UTP14C: variants seen among roughly 807,000 people sequenced by gnomAD.
The protein encoded by UTP14C is UTP14C small subunit processome component.
Under a neutral mutation model 14.6 loss-of-function variants are expected in UTP14C, and 10 were observed. The observed-to-expected ratio is 0.68, with a 90% CI of 0.42 to 1.16. The LOEUF is 1.16. Ranked by LOEUF, UTP14C falls within the 50% of genes most tolerant of loss-of-function variation. The pLI is 0.00. For synonymous variants in UTP14C, 315 were observed against 331.6 expected, an observed-to-expected ratio of 0.95 and a Z score of 0.54; for missense variants, 818 against 890.8, an observed-to-expected ratio of 0.92 and a Z score of 1.04.
chr13:52,029,699 CA>C lies in UTP14C; in HGVS notation c.899del (p.Asn300ThrfsTer33). ...RMMERMSLKH[Q>X]NSGKWAKSKA... ...GATGGAAAGAATGAGCCTTAAGCAC[CA>C]AAACAGTGGGAAATGGGCCAAGTCA... On this transcript the variant is annotated frameshift_variant, in exon 2 of 2. Transcript: ENST00000521776. LOFTEE classifies it low-confidence loss of function (END_TRUNC). 2.5e-6 allele frequency: 4 copies of C among 1,614,036 alleles called. No individual in the cohort carries two copies. Among genetic ancestry groups the C allele is most frequent in the Non-Finnish European group, 3.4e-6 (4 of 1,180,026 alleles).
intron 1 of UTP14C, among the ~76,000 whole-genome samples, chr13:52,027,741 G>C (rs143174275): frequency 2.0e-5 from 3 of 152,168 alleles, no homozygotes; most frequent in African/African-American, 7.2e-5. Context: ...ACATAAGCAC[G>C]GCGATAGTAT....
At position 52,030,930 on chromosome 13, in the gene UTP14C, A is replaced by G; in HGVS notation, c.2126A>G (p.Gln709Arg). The G allele has an allele frequency of 6.2e-7, 1 of 1,614,236 alleles. No homozygotes were observed. Among genetic ancestry groups the G allele is most frequent in the Non-Finnish European group, 8.5e-7 (1 of 1,180,030 alleles). The change falls in exon 2 of 2, where the codon CAG becomes CGG. Residue 709 changes from glutamine to arginine, a missense_variant. Transcript: ENST00000521776. Reference sequence around the variant, plus strand: ...CCTATAGGATCCACATGGAACACCCAGAGGGCTTTCCAAAAGCTGACTACT... The same window carrying G: ...CCTATAGGATCCACATGGAACACCCGGAGGGCTTTCCAAAAGCTGACTACT... The part of the protein sequence containing the change: ...QTPIGSTWNT[Q>R]RAFQKLTTPK...
In UTP14C at chr13:52,030,429, A is replaced by T; in HGVS notation, c.1625A>T (p.Asn542Ile). ...EGQQSERTPNNRPDAPKEKKE... is the reference protein window; with the variant it reads ...EGQQSERTPNIRPDAPKEKKE... ...CAGCAGTCAGAGAGGACCCCAAATA[A>T]TCGGCCTGATGCCCCTAAGGAGAAG... The change falls in exon 2 of 2, where the codon AAT (asparagine) becomes ATT (isoleucine). Residue 542 changes from asparagine to isoleucine, a missense_variant. Asn to Ile is a moderately radical substitution (Grantham distance 149, BLOSUM62 -3). Transcript: ENST00000521776. 1 of 1,614,192 alleles carries T rather than the reference A, an allele frequency of 6.2e-7. No individual in the cohort carries two copies. Among genetic ancestry groups the T allele is most frequent in the Non-Finnish European group, 8.5e-7 (1 of 1,180,036 alleles).
Position 52,030,296 on chromosome 13 carries a change from C to CT in UTP14C, c.1493dup (p.Leu499IlefsTer26). On this transcript the variant is annotated frameshift_variant, in exon 2 of 2. Transcript: ENST00000521776. LOFTEE classifies it low-confidence loss of function (END_TRUNC). ...ACCTGCCCCAGAAGAAGCGGAACCC[C>CT]TATTGCTACAGAGGTCAGAGAGAGT... 1 of 1,614,198 alleles carries CT rather than the reference C, an allele frequency of 6.2e-7. No individual in the cohort carries two copies. The highest frequency in any genetic ancestry group is 8.5e-7 in the Non-Finnish European group (1 of 1,180,038).
rs746491739 is a variant in UTP14C at position 52,030,691 on chromosome 13, C to T, written c.1887C>T (p.Gly629=). ...AGGACGTGGACCTGACACTACCTGG[C>T]TGGGGCGAGTGGGGTGGTGTGGGCC... ...KPKDVDLTLP[G]WGEWGGVGLK... The change falls in exon 2 of 2, where the codon GGC becomes GGT. Residue 629 remains glycine, a synonymous_variant. Coordinates refer to ENST00000521776, the MANE Select transcript of UTP14C (RefSeq NM_021645.6). The T allele has an allele frequency of 5.0e-6, 8 of 1,614,204 alleles. No individual in the cohort carries two copies. The East Asian group carries it at 1.8e-4, about 36-fold the overall frequency.
Position 52,028,715 on chromosome 13 carries a change from T to C in UTP14C, c.-90T>C. 6.3e-7 allele frequency: 1 copy of C among 1,589,218 alleles called. No individual in the cohort carries two copies. The highest frequency in any genetic ancestry group is 1.3e-5 in the African/African-American group (1 of 74,344). On this transcript the variant is annotated 5_prime_UTR_variant, in exon 2 of 2. Transcript: ENST00000521776. Reference sequence around the variant, plus strand: ...ACTTTAGAAAACAGACAAAATTTCCTTTTAGAATAAAAGGAAGTGTTGAAA... The same window carrying C: ...ACTTTAGAAAACAGACAAAATTTCCCTTTAGAATAAAAGGAAGTGTTGAAA...
intron 1 of UTP14C, among the ~76,000 whole-genome samples, chr13:52,026,665 A>T (rs1954244101): frequency 6.6e-6 from 1 of 152,124 alleles, no homozygotes; most frequent in African/African-American, 2.4e-5. Context: ...CAGCTGTGAG[A>T]ATGGTGTTGG....
At chr13:52,026,097 C>T (rs116073347) in intron 1 of UTP14C, among the ~76,000 whole-genome samples, 1,868 of 152,328 alleles carry the variant, frequency 0.012, 38 homozygotes, top group African/African-American at 0.043. Flanking sequence ...CGTGCTGTGC[C>T]GTGTGCCAGG....
rs1455400228 is a variant in UTP14C at position 52,029,651 on chromosome 13, G to GA, written c.853dup (p.Ile285AsnfsTer2). On this transcript the variant is annotated frameshift_variant, in exon 2 of 2. Transcript: ENST00000521776. LOFTEE classifies it low-confidence loss of function (END_TRUNC). ...TCCAACTGTGGCACTGGAAGAAATG[G>GA]AAAAAATTGAAAATGCCAGAATGAT... 1.2e-6 allele frequency: 2 copies of GA among 1,614,156 alleles called. No homozygotes were observed. The highest frequency in any genetic ancestry group is 1.7e-6 in the Non-Finnish European group (2 of 1,180,020).
chr13:52,030,342 A>G lies in UTP14C; in HGVS notation c.1538A>G (p.Glu513Gly), dbSNP rs138251658. ...AGAGTACAAACTCTGGAAGAGCTAG[A>G]AGAGCTGGGAAAAGAAGATTGTTTT... ...SERVQTLEEL[E>G]ELGKEDCFQN... is the part of the protein sequence containing the mutation. The change falls in exon 2 of 2, where the codon GAA (glutamate) becomes GGA (glycine). Residue 513 changes from glutamate to glycine, a missense_variant. Physicochemically the swap from Glu to Gly is moderately conservative, Grantham distance 98. Coordinates refer to ENST00000521776, the MANE Select transcript of UTP14C (RefSeq NM_021645.6). 1.2e-6 allele frequency: 2 copies of G among 1,614,088 alleles called. No individual in the cohort carries two copies. The highest frequency in any genetic ancestry group is 2.7e-5 in the African/African-American group (2 of 74,926).
Position 52,031,286 on chromosome 13 carries a change from A to G in UTP14C, c.*181A>G, listed in dbSNP as rs1246059456. ...ACTAGCATTTTAGAATTGATCAGAC[A>G]TTAGAACACAGAAAAATTCTAGTAC... On this transcript the variant is annotated 3_prime_UTR_variant, in exon 2 of 2. Transcript: ENST00000521776. The G allele has an allele frequency of 3.3e-6, 3 of 914,840 alleles. No homozygotes were observed. Among genetic ancestry groups the G allele is most frequent in the South Asian group, 2.2e-5 (1 of 45,796 alleles). 56.7% of individuals were successfully genotyped at this position (914,840 alleles called of 1,614,324 possible). A position where few individuals can be genotyped will look rare whatever the true frequency, so the allele number is the denominator to read the frequency against.
At chr13:52,028,065 C>G (rs1304604464) in intron 1 of UTP14C, among the ~76,000 whole-genome samples, 1 of 151,618 alleles carries the variant, frequency 6.6e-6, no homozygotes, top group African/African-American at 2.4e-5. Flanking sequence ...TAGAGGCCAG[C>G]CTGGGCAACA....
In UTP14C at chr13:52,033,082, T is replaced by C. The variant is rs755744048; in HGVS notation, c.*1977T>C. ...AAATTATTTTCATATATCACAGATA[T>C]ATCATTGGAAGATATAATTTGCATA... On this transcript the variant is annotated 3_prime_UTR_variant, in exon 2 of 2. Coordinates refer to ENST00000521776, the MANE Select transcript of UTP14C (RefSeq NM_021645.6). The C allele has an allele frequency of 2.0e-4, 34 of 167,260 alleles. No homozygotes were observed. Among genetic ancestry groups the C allele is most frequent in the African/African-American group, 4.8e-4 (20 of 41,596 alleles). The allele number at this position is 167,260 out of a possible 1,614,324, so 10.4% of individuals were successfully genotyped here.
chr13:52,031,159 C>T lies in UTP14C; in HGVS notation c.*54C>T. 1 of 1,558,996 alleles carries T rather than the reference C, an allele frequency of 6.4e-7. No individual in the cohort carries two copies. Among genetic ancestry groups the T allele is most frequent in the Non-Finnish European group, 8.7e-7 (1 of 1,153,644 alleles). ...GGGCCCTGATTCCACTTCCTTTGGT[C>T]CAGTTTTACTCTGCTACAGGGTGGA... On this transcript the variant is annotated 3_prime_UTR_variant, in exon 2 of 2. Coordinates refer to ENST00000521776, the MANE Select transcript of UTP14C (RefSeq NM_021645.6).
At chr13:52,026,416 C>G (rs1954241080) in intron 1 of UTP14C, among the ~76,000 whole-genome samples, 1 of 152,166 alleles carries the variant, frequency 6.6e-6, no homozygotes, top group South Asian at 2.1e-4. Flanking sequence ...TCTGATTTCT[C>G]CAGTCCATTC....
chr13:52,030,262 G>T lies in UTP14C; in HGVS notation c.1458G>T (p.Gln486His), dbSNP rs1158540969. 2.5e-6 allele frequency: 4 copies of T among 1,614,236 alleles called. No homozygotes were observed. The Admixed American group carries it at 6.7e-5, about 27-fold the overall frequency. ...CAGAGGGGACTGTTCCCCAGGTCCA[G>T]AGAGAGGAACCTGCCCCAGAAGAAG... is the stretch of plus-strand genomic sequence containing the variant. ...ASSEGTVPQV[Q>H]REEPAPEEAE... The change falls in exon 2 of 2, where the codon CAG becomes CAT. Residue 486 changes from glutamine to histidine, a missense_variant. Transcript: ENST00000521776.
rs781704785 is a variant in UTP14C at position 52,029,429 on chromosome 13, G to A, written c.625G>A (p.Ala209Thr). Residue 209 changes from alanine to threonine, a missense_variant, in exon 2 of 2, where the codon GCC becomes ACC. By Grantham distance (58) the Ala-to-Thr change is moderately conservative. Coordinates refer to ENST00000521776, the MANE Select transcript of UTP14C (RefSeq NM_021645.6). ...TDPLLTPMEK[A>T]SLQAMSLEEA... The stretch of plus-strand genomic sequence containing the variant: ...TCCTTTACTGACTCCCATGGAAAAG[G>A]CCTCTCTCCAAGCCATGAGCCTGGA... The A allele has an allele frequency of 6.2e-7, 1 of 1,614,136 alleles. No homozygotes were observed. Among genetic ancestry groups the A allele is most frequent in the Non-Finnish European group, 8.5e-7 (1 of 1,180,026 alleles).
At chr13:52,026,524 T>A (rs1954242093) in intron 1 of UTP14C, among the ~76,000 whole-genome samples, 2 of 152,174 alleles carry the variant, frequency 1.3e-5, no homozygotes, top group South Asian at 4.1e-4. Context: ...ATGGAGGTGC[T>A]CATGAGCTGA....
rs775045600 is a variant in UTP14C, at chr13:52,028,886, A to G, written c.82A>G (p.Ser28Gly). The G allele has an allele frequency of 4.3e-6, 7 of 1,614,126 alleles. No individual in the cohort carries two copies. In the Admixed American group the frequency reaches 5.0e-5, roughly 12 times the overall value. Reference sequence around the variant, plus strand: ...GGATTTGCCAAAAAACTACCCCTTGAGTGAAAATGAAGATGAGGGGGACAG... The same window carrying G: ...GGATTTGCCAAAAAACTACCCCTTGGGTGAAAATGAAGATGAGGGGGACAG... ...LVDLPKNYPL[S>G]ENEDEGDSDG... The change falls in exon 2 of 2, where the codon AGT becomes GGT. Residue 28 changes from serine to glycine, a missense_variant. Ser to Gly is a moderately conservative substitution (Grantham distance 56, BLOSUM62 0). Transcript: ENST00000521776.
Sources: allele counts gnomAD v4.1 joint callset (sites outside exome capture counted in the v4.1 genomes callset), GRCh38; gene constraint gnomAD v4.1.1; transcripts MANE v1.5; gene names NCBI Gene and HGNC (gene_info 2026-07-23, HGNC 2026-07-21).